INPP5D: variants seen among roughly 807,000 people sequenced by gnomAD.
The protein encoded by INPP5D is inositol polyphosphate-5-phosphatase D.
A neutral mutation model predicts 122.9 loss-of-function variants in INPP5D; 33 were observed. The ratio of observed to expected loss-of-function variants is 0.27; its 90% CI spans 0.20 to 0.36. The LOEUF (loss-of-function observed/expected upper bound fraction) is 0.36. INPP5D is among the 10% of genes least tolerant of loss of function. The pLI is 1.00. For synonymous variants in INPP5D, 584 were observed against 576.2 expected (o/e 1.01, Z -0.19); for missense variants, 1,053 against 1,412.7 (o/e 0.75, Z 4.08).
At chr2:233,162,166 C>T (rs1694214358) in intron 11 of INPP5D, among the ~76,000 whole-genome samples, 1 of 152,182 alleles carries the variant, frequency 6.6e-6, no homozygotes, top group South Asian at 2.1e-4. Flanking sequence ...GGCAGCTCAC[C>T]AAGGGGCCCC....
At chr2:233,117,338 G>A (rs1487407486) in intron 2 of INPP5D, among the ~76,000 whole-genome samples, 5 of 152,260 alleles carry the variant, frequency 3.3e-5, no homozygotes, top group Non-Finnish European at 5.9e-5. Context: ...CTCCTTGGGC[G>A]CCTTTTCACC....
In INPP5D at chr2:233,193,920, A is replaced by G. The variant is rs1695115585; in HGVS notation, c.2555A>G (p.Lys852Arg). 2 of 1,613,486 alleles carry G rather than the reference A, an allele frequency of 1.2e-6. No homozygotes were observed. Among genetic ancestry groups the G allele is most frequent in the East Asian group, 4.5e-5 (2 of 44,868 alleles). The part of the protein sequence containing the change: ...ELTGHFQGEI[K>R]LQTSQGKTRE... The stretch of plus-strand genomic sequence containing the variant: ...ACAGGCCACTTCCAGGGGGAGATCA[A>G]GCTGCAGACCTCTCAGGGCAAGACG... The change falls in exon 23 of 27, where the codon AAG becomes AGG. Residue 852 changes from lysine (K) to arginine (R), a missense_variant. Physicochemically the swap from Lys to Arg is conservative, Grantham distance 26 (BLOSUM62 2). Around this residue, in one of 6 missense-constraint regions of INPP5D, gnomAD observed 258 missense variants for 439.1 expected, o/e 0.59. Transcript: ENST00000445964.
At chr2:233,165,446 CTA>C (rs1314258651) in intron 13 of INPP5D, among the ~76,000 whole-genome samples, 8 of 150,012 alleles carry the variant, frequency 5.3e-5, no homozygotes, top group East Asian at 2.0e-4. Context: ...CACCCCGTAT[CTA>C]TGAGTGTGTG....
intron 18 of INPP5D, among the ~76,000 whole-genome samples, chr2:233,180,438 T>C (rs1446760983): frequency 1.3e-5 from 2 of 151,892 alleles, no homozygotes; most frequent in South Asian, 2.1e-4. Flanking sequence ...AGCAAACCTG[T>C]ACCCCTGTGC....
intron 2 of INPP5D, among the ~76,000 whole-genome samples, chr2:233,102,963 C>T (rs1003181022): frequency 6.6e-6 from 1 of 152,138 alleles, no homozygotes; most frequent in Non-Finnish European, 1.5e-5. Context: ...TAACACTCCC[C>T]TTCCTAGGAA....
chr2:233,173,225 A>G (rs984697860), intron 17 of INPP5D, among the ~76,000 whole-genome samples: 5 of 151,704 alleles, frequency 3.3e-5, no homozygotes, highest in Admixed American at 6.6e-5. Context: ...AAAAAAAAAA[A>G]AAGAAGGTGG....
In INPP5D at chr2:233,103,702, CTTTTTTTTTTTTT is replaced by C. The variant is rs61589704; in HGVS notation, c.199-18396_199-18384del. Among the ~76,000 whole-genome samples, 66 of 116,162 alleles carry C rather than the reference CTTTTTTTTTTTTT, an allele frequency of 5.7e-4. 1 individual carries two copies. Among genetic ancestry groups the C allele is most frequent in the African/African-American group, 2.2e-3 (66 of 30,050 alleles). The allele number at this position is 116,162 out of a possible 152,430, so 76.2% of individuals were successfully genotyped here. On this transcript the variant is annotated intron_variant, in intron 2 of 26. Transcript: ENST00000445964. The stretch of plus-strand genomic sequence containing the variant: ...AGGGTGTTCTCTCAGAAAAGTAGTT[CTTTTTTTTTTTTT>C]TTTTTTTTGGAGACAGAGACTTGCT...
In INPP5D at chr2:233,198,233, C is replaced by T. The variant is rs777512099; in HGVS notation, c.2832C>T (p.Tyr944=). The part of the protein sequence containing the change: ...SPDQQPTAWS[Y]DQPPKDSPLG... ...ACCAGCAGCCCACAGCCTGGAGCTA[C>T]GACCAGCCGCCCAAGGACTCCCCGC... Residue 944 remains tyrosine (Y), a synonymous_variant, in exon 25 of 27, where the codon TAC becomes TAT. Transcript: ENST00000445964. The T allele has an allele frequency of 2.4e-5, 39 of 1,613,522 alleles. No individual in the cohort carries two copies. The highest frequency in any genetic ancestry group is 1.7e-4 in the African/African-American group (13 of 74,926).
At chr2:233,110,961 T>C (rs1692609932) in intron 2 of INPP5D, among the ~76,000 whole-genome samples, 1 of 152,058 alleles carries the variant, frequency 6.6e-6, no homozygotes, top group African/African-American at 2.4e-5. Flanking sequence ...AACTGTTGCT[T>C]CGACAGTTAT....
At chr2:233,108,302 C>A (rs760629134) in intron 2 of INPP5D, among the ~76,000 whole-genome samples, 3 of 152,226 alleles carry the variant, frequency 2.0e-5, no homozygotes, top group Non-Finnish European at 4.4e-5. Flanking sequence ...CCTTTCTCAT[C>A]TCTCTCATCT....
intron 1 of INPP5D, among the ~76,000 whole-genome samples, chr2:233,062,520 A>G (rs765496346): frequency 5.9e-5 from 9 of 152,082 alleles, no homozygotes; most frequent in Non-Finnish European, 1.2e-4. Context: ...TCCTTCCTCT[A>G]CCTCTTCTCT....
chr2:233,116,405 TC>T (rs1692797686), intron 2 of INPP5D, among the ~76,000 whole-genome samples: 2 of 151,800 alleles, frequency 1.3e-5, no homozygotes, highest in African/African-American at 4.8e-5. Context: ...TCCTCCCACC[TC>T]AGCCTCCCAA....
At chr2:233,091,193 C>T (rs1691984644) in intron 2 of INPP5D, among the ~76,000 whole-genome samples, 1 of 152,196 alleles carries the variant, frequency 6.6e-6, no homozygotes, top group African/African-American at 2.4e-5. Flanking sequence ...AGGATTCCTC[C>T]AAGGCCTTTT....
Position 233,081,999 on chromosome 2 carries a change from C to T in INPP5D, c.198+2601C>T, listed in dbSNP as rs540024595. On this transcript the variant is annotated intron_variant, in intron 2 of 26. Coordinates refer to ENST00000445964, the MANE Select transcript of INPP5D (RefSeq NM_001017915.3). ...GATGGGGACAGAGTCGTGGGGGCAG[C>T]GTGCCTCCTTAAGGTCTCCGCTTAG... Among the ~76,000 whole-genome samples, 159 of 152,232 alleles carry T rather than the reference C, an allele frequency of 1.0e-3. 1 individual carries two copies. Among genetic ancestry groups the T allele is most frequent in the Middle Eastern group, 3.4e-3 (1 of 294 alleles).
chr2:233,064,119 C>T (rs1430560860), intron 1 of INPP5D, among the ~76,000 whole-genome samples: 1 of 152,286 alleles, frequency 6.6e-6, no homozygotes, highest in Non-Finnish European at 1.5e-5. Flanking sequence ...AGTATATAGG[C>T]TGCCCTCTCT....
At position 233,105,083 on chromosome 2, in the gene INPP5D, C is replaced by T. The variant is rs1692429237; in HGVS notation, c.199-17024C>T. On this transcript the variant is annotated intron_variant, in intron 2 of 26. Transcript: ENST00000445964. This position sits in a 1 kb window ranked among gnomAD's most constrained non-coding sequence, Gnocchi z 4.0. The stretch of plus-strand genomic sequence containing the variant: ...GTAGGGATAGGGAATGTGGACCTCC[C>T]GGGTTTCTCCTGGATTTCCCCATAG... Among the ~76,000 whole-genome samples the T allele has an allele frequency of 6.6e-6, 1 of 152,154 alleles. No homozygotes were observed. Among genetic ancestry groups the T allele is most frequent in the Non-Finnish European group, 1.5e-5 (1 of 68,018 alleles).
chr2:233,166,360 A>G (rs1694339657), intron 13 of INPP5D, among the ~76,000 whole-genome samples: 1 of 152,216 alleles, frequency 6.6e-6, no homozygotes, highest in African/African-American at 2.4e-5. Context: ...AGCTCTGCTC[A>G]TGTGGACCTG....
At chr2:233,129,741 G>A (rs1403536941) in intron 4 of INPP5D, among the ~76,000 whole-genome samples, 3 of 152,212 alleles carry the variant, frequency 2.0e-5, no homozygotes, top group African/African-American at 4.8e-5. Flanking sequence ...GCCTTTGGCC[G>A]TGAAATTGCA....
At chr2:233,166,169 C>G (rs2106298114) in intron 13 of INPP5D, among the ~76,000 whole-genome samples, 1 of 152,324 alleles carries the variant, frequency 6.6e-6, no homozygotes, top group East Asian at 1.9e-4. Flanking sequence ...TGCCCAGCAA[C>G]CGCCCCGGGT....
Sources: gnomAD v4.1 joint callset for allele counts (sites outside exome capture counted in the v4.1 genomes callset) on GRCh38, gnomAD v4.1.1 for gene constraint, gnomAD v4.1.1 regional missense constraint, Gnocchi (gnomAD v3.1) non-coding constraint, MANE v1.5 for transcripts, NCBI Gene and HGNC (gene_info 2026-07-23, HGNC 2026-07-21) for gene names.